CCDC171: variants seen among roughly 807,000 people sequenced by gnomAD.
The protein encoded by CCDC171 is coiled-coil domain-containing protein 171.
In CCDC171, 177 loss-of-function variants were observed where a neutral mutation model predicts 168.2. That is an observed-to-expected ratio of 1.05 (90% CI 0.93 to 1.19). CCDC171 has a LOEUF of 1.19. CCDC171 is among the 50% of genes most tolerant of loss of function. The pLI is 0.00. For synonymous variants in CCDC171, 687 were observed against 540.8 expected, an observed-to-expected ratio of 1.27 and a Z score of -3.75; for missense variants, 1,991 against 1,539.0, an observed-to-expected ratio of 1.29 and a Z score of -4.91.
chr9:15,699,406 AGT>A (rs1054442342), intron 11 of CCDC171, among the ~76,000 whole-genome samples: 1 of 152,128 alleles, frequency 6.6e-6, no homozygotes, highest in African/African-American at 2.4e-5. Context: ...AAGCTTCCAC[AGT>A]GTGGAAGGGG....
intron 25 of CCDC171, among the ~76,000 whole-genome samples, chr9:15,922,495 A>C (rs1427536708): frequency 1.3e-5 from 2 of 151,572 alleles, no homozygotes; most frequent in African/African-American, 4.8e-5. Flanking sequence ...ATCAGGTGTA[A>C]ATAACAGAAG....
chr9:16,044,482 G>A (rs1343541379), intron 1 of CCDC171, among the ~76,000 whole-genome samples: 3 of 146,178 alleles, frequency 2.1e-5, no homozygotes, highest in Non-Finnish European at 1.5e-5. Context: ...AACCACAGGA[G>A]AAAAAAAAAG....
intron 3 of CCDC171, among the ~76,000 whole-genome samples, chr9:15,979,321 A>C (rs1831720578): frequency 6.6e-6 from 1 of 152,100 alleles, no homozygotes; most frequent in Non-Finnish European, 1.5e-5. Flanking sequence ...TCTTCAGTAC[A>C]TTGTTGAGTA....
chr9:15,658,497 C>G (rs1016023848), intron 8 of CCDC171, among the ~76,000 whole-genome samples: 1 of 152,284 alleles, frequency 6.6e-6, no homozygotes, highest in East Asian at 1.9e-4. Flanking sequence ...TGCCCTTATC[C>G]TCAGAACCTG....
chr9:15,781,553 A>T (rs2057668921), intron 20 of CCDC171, among the ~76,000 whole-genome samples: 1 of 152,006 alleles, frequency 6.6e-6, no homozygotes, highest in Non-Finnish European at 1.5e-5. Flanking sequence ...TTGGTGTTAC[A>T]GGCGCCCACC....
intron 21 of CCDC171, among the ~76,000 whole-genome samples, chr9:15,805,435 A>G (rs2059027760): frequency 6.6e-6 from 1 of 152,116 alleles, no homozygotes; most frequent in African/African-American, 2.4e-5. Context: ...AGATTTTGGT[A>G]CATTTTATCT....
intron 8 of CCDC171, among the ~76,000 whole-genome samples, chr9:15,662,745 G>A (rs561233371): frequency 6.6e-6 from 1 of 152,174 alleles, no homozygotes; most frequent in Non-Finnish European, 1.5e-5. Context: ...GGAGGCTGAG[G>A]TGGGCAAATC....
chr9:15,719,420 G>C (rs1472715510), intron 11 of CCDC171, among the ~76,000 whole-genome samples: 1 of 15,896 alleles, frequency 6.3e-5, no homozygotes, highest in Non-Finnish European at 1.3e-4. Context: ...GGGGGAAAGA[G>C]AGAGAGAGAG....
At chr9:15,664,974 T>C (rs2048623165) in intron 8 of CCDC171, among the ~76,000 whole-genome samples, 1 of 152,092 alleles carries the variant, frequency 6.6e-6, no homozygotes, top group Non-Finnish European at 1.5e-5. Context: ...AGTTTTAAAA[T>C]GTCTTTTTAT....
At chr9:15,800,414 T>C (rs2058764417) in intron 21 of CCDC171, among the ~76,000 whole-genome samples, 1 of 152,154 alleles carries the variant, frequency 6.6e-6, no homozygotes. Flanking sequence ...TGTCTTCTTT[T>C]AAAAAATGTC....
chr9:15,654,697 C>T (rs999343321), intron 7 of CCDC171, among the ~76,000 whole-genome samples: 1 of 152,088 alleles, frequency 6.6e-6, no homozygotes, highest in African/African-American at 2.4e-5. Flanking sequence ...ATAGGAACAG[C>T]TCCAGTCTAT....
intron 25 of CCDC171, among the ~76,000 whole-genome samples, chr9:15,961,486 A>G (rs1830325837): frequency 6.6e-6 from 1 of 152,316 alleles, no homozygotes; most frequent in South Asian, 2.1e-4. Flanking sequence ...TGCGCAGAGT[A>G]GAGGAACAAA....
chr9:15,781,679 C>T (rs938217442), intron 20 of CCDC171, among the ~76,000 whole-genome samples: 13 of 152,128 alleles, frequency 8.5e-5, no homozygotes, highest in African/African-American at 3.1e-4. Flanking sequence ...TGCCAAAATG[C>T]TGGGATTACA....
At chr9:16,040,461 G>T (rs1012545245), upstream of CCDC171, among the ~76,000 whole-genome samples, 1 of 152,174 alleles carries the variant, frequency 6.6e-6, no homozygotes, top group African/African-American at 2.4e-5. Flanking sequence ...ACGGCCCACC[G>T]CAGAGAGAAA....
At chr9:16,094,832 C>T in the CCDC171 span, among the ~76,000 whole-genome samples, 2 of 152,174 alleles carry the variant, frequency 1.3e-5, no homozygotes, top group African/African-American at 2.4e-5. Context: ...GGCAGGGACA[C>T]AGATCCAAAT....
chr9:15,814,523 T>A (rs1251597303), intron 21 of CCDC171, among the ~76,000 whole-genome samples: 3 of 152,184 alleles, frequency 2.0e-5, no homozygotes, highest in African/African-American at 7.2e-5. Flanking sequence ...TTTTTAAATG[T>A]TGCTCTCTGC....
intron 3 of CCDC171, among the ~76,000 whole-genome samples, chr9:15,984,212 G>A (rs1195151990): frequency 1.9e-5 from 1 of 51,464 alleles, no homozygotes; most frequent in Non-Finnish European, 4.2e-5. Flanking sequence ...ACCTGCTGTG[G>A]TCAATGAGAA....
chr9:15,692,390 T>G (rs921018661), intron 10 of CCDC171, among the ~76,000 whole-genome samples: 2 of 151,550 alleles, frequency 1.3e-5, no homozygotes, highest in African/African-American at 4.8e-5. Flanking sequence ...GACAAGTCAT[T>G]TTTTGTTTGT....
intron 3 of CCDC171, 148 bp downstream of exon 3, chr9:15,571,907 A>G (rs2040254290): frequency 1.6e-6 from 1 of 642,804 alleles, no homozygotes; most frequent in East Asian, 3.4e-5. Flanking sequence ...CATAATTTTA[A>G]AATGTAGTGT....
Sources: gnomAD v4.1 joint callset for allele counts (sites outside exome capture counted in the v4.1 genomes callset) on GRCh38, gnomAD v4.1.1 for gene constraint, MANE v1.5 for transcripts, NCBI Gene and HGNC (gene_info 2026-07-23, HGNC 2026-07-21) for gene names.